Variants in MROH2A observed in about 807,000 individuals in gnomAD.
MROH2A encodes the protein maestro heat like repeat family member 2A.
MROH2A carries 174 observed loss-of-function variants against 200.4 expected under a neutral mutation model. The observed-to-expected ratio is 0.87, with a 90% confidence interval of 0.77 to 0.98. MROH2A has a LOEUF of 0.98. Among genes scored for constraint, MROH2A ranks in the 50% least tolerant of loss-of-function variants. MROH2A has a pLI of 0.00. For synonymous variants in MROH2A, 829 were observed against 840.4 expected (o/e 0.99, Z 0.23); for missense variants, 2,045 against 2,139.6 (o/e 0.96, Z 0.87).
intron 11 of MROH2A, 105 bp from the exon 12 acceptor site, chr2:233,798,669 T>G: frequency 1.3e-6 from 1 of 781,272 alleles, no homozygotes; most frequent in Non-Finnish European, 2.2e-6. Context: ...CCCCTGAGCT[T>G]GGAGAATGTG....
At chr2:233,780,713 T>C (rs1443541954) in intron 3 of MROH2A, among the ~76,000 whole-genome samples, 1 of 152,156 alleles carries the variant, frequency 6.6e-6, no homozygotes, top group East Asian at 1.9e-4. Context: ...ACTGCAAACA[T>C]TTATCATTTC....
intron 5 of MROH2A, among the ~76,000 whole-genome samples, chr2:233,792,511 A>C (rs1701843279): frequency 6.7e-6 from 1 of 149,718 alleles, no homozygotes; most frequent in Non-Finnish European, 1.5e-5. Flanking sequence ...ACGGGGTTTC[A>C]ACCGTGTTAG....
In MROH2A at chr2:233,828,735, T is replaced by G. The variant is rs747274442; in HGVS notation, c.4219T>G (p.Ser1407Ala). 1.9e-6 allele frequency: 3 copies of G among 1,550,342 alleles called. No homozygotes were observed. The highest frequency in any genetic ancestry group is 1.2e-5 in the South Asian group (1 of 84,056). Residue 1407 changes from serine (S) to alanine (A), a missense_variant, in exon 36 of 42, where the codon TCC (serine) becomes GCC (alanine). Around this residue, in one of 3 missense-constraint regions of MROH2A, gnomAD observed 1,201 missense variants for 1,311.3 expected, o/e 0.92. Coordinates refer to ENST00000389758, the MANE Select transcript of MROH2A (RefSeq NM_001394639.1). The surrounding 1 kb of genome is among the most constrained non-coding windows in gnomAD (Gnocchi z 4.6). ...GGAAGACGAGGCCCTGCGGGTGCTG[T>G]CCCTGCGCGCCCTCGGCAACATGGC... ...QEEDEALRVLSLRALGNMALG... is the reference protein window; with the variant it reads ...QEEDEALRVLALRALGNMALG...
chr2:233,815,490 T>G (rs759370891), intron 26 of MROH2A, among the ~76,000 whole-genome samples: 4 of 151,996 alleles, frequency 2.6e-5, no homozygotes, highest in Non-Finnish European at 4.4e-5. Flanking sequence ...GATTTTCTCC[T>G]ATGTTTTCTT....
chr2:233,822,009 TC>T (rs1464935462), intron 31 of MROH2A, 114 bp from the exon 32 acceptor site: 4 of 1,288,328 alleles, frequency 3.1e-6, no homozygotes, highest in Non-Finnish European at 4.2e-6. Flanking sequence ...TCCCTGAGAT[TC>T]AGTCCCCAGA....
chr2:233,801,570 G>A (rs927238488), intron 14 of MROH2A, among the ~76,000 whole-genome samples: 8 of 152,142 alleles, frequency 5.3e-5, no homozygotes, highest in Admixed American at 3.3e-4. Context: ...TAGCAGGGGC[G>A]GATGCTGCAG....
chr2:233,804,647 C>A, intron 18 of MROH2A, 100 bp downstream of exon 18: 1 of 1,031,200 alleles, frequency 9.7e-7, no homozygotes, highest in South Asian at 1.4e-5. Flanking sequence ...GTTTAGAAGC[C>A]CCTAAAGGAC....
At chr2:233,825,450 T>C (rs7561214) in intron 35 of MROH2A, among the ~76,000 whole-genome samples, 86,558 of 152,046 alleles carry the variant, frequency 0.57, 26,957 homozygotes, top group African/African-American at 0.84. Flanking sequence ...ATGATATTGG[T>C]TGTGGGTTTG....
chr2:233,783,078 G>A (rs774791941), intron 3 of MROH2A, among the ~76,000 whole-genome samples: 3 of 152,130 alleles, frequency 2.0e-5, no homozygotes, highest in South Asian at 2.1e-4. Context: ...ACTTGATCAC[G>A]GTGAATGATC....
At chr2:233,827,420 A>G (rs1704390002) in intron 35 of MROH2A, among the ~76,000 whole-genome samples, 1 of 152,208 alleles carries the variant, frequency 6.6e-6, no homozygotes, top group Non-Finnish European at 1.5e-5. Context: ...TGTCCTTTGC[A>G]GGGACATGGA....
Position 233,832,180 on chromosome 2 carries a change from C to T in MROH2A, c.4738C>T (p.Arg1580Trp), listed in dbSNP as rs966300641. 33 of 1,550,114 alleles carry T rather than the reference C, an allele frequency of 2.1e-5. No individual in the cohort carries two copies. Among genetic ancestry groups the T allele is most frequent in the Admixed American group, 9.8e-5 (5 of 50,948 alleles). The stretch of plus-strand genomic sequence containing the variant: ...GTGTATCACTTACTTTTTGCAGACT[C>T]GGAAAAAGCCGGCTGTTCTCTACCG... ...FQTTMCSILT[R>W]KKPAVLYRFL... The change falls in exon 40 of 42, where the codon CGG becomes TGG. Residue 1580 changes from arginine to tryptophan, a missense_variant. Physicochemically the swap from Arg to Trp is moderately radical, Grantham distance 101. This residue lies in a region of MROH2A where 1,201 missense variants were observed against 1,311.3 expected (regional missense o/e 0.92). Coordinates refer to ENST00000389758, the MANE Select transcript of MROH2A (RefSeq NM_001394639.1).
chr2:233,829,150 C>G (rs1704540305), intron 37 of MROH2A, 78 bp downstream of exon 37: 7 of 1,362,306 alleles, frequency 5.1e-6, no homozygotes, highest in Admixed American at 5.8e-5. Flanking sequence ...GAGATGGGCT[C>G]TAGAGCAGAA....
At position 233,810,816 on chromosome 2, in the gene MROH2A, T is replaced by G. The variant is rs577526406; in HGVS notation, c.2471T>G (p.Phe824Cys). Residue 824 changes from phenylalanine to cysteine, a missense_variant, in exon 23 of 42, where the codon TTC (phenylalanine) becomes TGC (cysteine). Coordinates refer to ENST00000389758, the MANE Select transcript of MROH2A (RefSeq NM_001394639.1). ...SCQDICLKMAFMKSVVQVTKA... is the reference protein window; with the variant it reads ...SCQDICLKMACMKSVVQVTKA... ...CAGGACATCTGTCTCAAAATGGCCT[T>G]CATGAAGAGTGTTGTGCAGGTTACC... is the stretch of plus-strand genomic sequence containing the variant. 31 of 1,550,446 alleles carry G rather than the reference T, an allele frequency of 2.0e-5. No homozygotes were observed. The African/African-American group carries it at 3.8e-4, about 19-fold the overall frequency.
In MROH2A at chr2:233,782,878, G is replaced by T. The variant is rs1575890792; in HGVS notation, c.276+3026G>T. Among the ~76,000 whole-genome samples, 8 of 152,224 alleles carry T rather than the reference G, an allele frequency of 5.3e-5. No individual in the cohort carries two copies. In the South Asian group the frequency reaches 1.2e-3, roughly 24 times the overall value. On this transcript the variant is annotated intron_variant, in intron 3 of 41. Coordinates refer to ENST00000389758, the MANE Select transcript of MROH2A (RefSeq NM_001394639.1). ...CATATATGGCTTTTATTATCGTGAG[G>T]TATGCTCTTTCTATGCCCAGCTTGT...
chr2:233,795,045 C>G (rs1210190143), intron 8 of MROH2A, among the ~76,000 whole-genome samples: 2 of 152,136 alleles, frequency 1.3e-5, no homozygotes. Context: ...ACAAGGACAC[C>G]TACCCAAAAT....
At chr2:233,796,556 ACC>A (rs1454106218) in intron 11 of MROH2A, among the ~76,000 whole-genome samples, 1 of 152,038 alleles carries the variant, frequency 6.6e-6, no homozygotes, top group Admixed American at 6.5e-5. Flanking sequence ...CCTCCTGCTA[ACC>A]TCCAAAGCTC....
intron 27 of MROH2A, 87 bp from the exon 28 acceptor site, chr2:233,817,915 T>C: frequency 1.3e-6 from 2 of 1,492,518 alleles, no homozygotes; most frequent in Non-Finnish European, 1.8e-6. Flanking sequence ...GTTTGCCCTA[T>C]CAAGTTGTCC....
chr2:233,823,795 C>A, intron 35 of MROH2A, 131 bp downstream of exon 35: 1 of 1,140,766 alleles, frequency 8.8e-7, no homozygotes, highest in Non-Finnish European at 1.2e-6. Context: ...TCTGAGTGCT[C>A]ATTCTCTCAT....
intron 3 of MROH2A, among the ~76,000 whole-genome samples, chr2:233,782,871 T>A (rs1701013964): frequency 1.3e-5 from 2 of 152,212 alleles, no homozygotes. Context: ...GCTTTTATTA[T>A]CGTGAGGTAT....
Sources: gnomAD v4.1 joint callset for allele counts (sites outside exome capture counted in the v4.1 genomes callset) on GRCh38, gnomAD v4.1.1 for gene constraint, gnomAD v4.1.1 regional missense constraint, Gnocchi (gnomAD v3.1) non-coding constraint, MANE v1.5 for transcripts, NCBI Gene and HGNC (gene_info 2026-07-23, HGNC 2026-07-21) for gene names.